Variants in SNRPN observed in about 807,000 individuals in gnomAD.
SNRPN encodes small nuclear ribonucleoprotein polypeptide N, also known as small nuclear ribonucleoprotein-associated protein N.
Under a neutral mutation model 25.2 loss-of-function variants are expected in SNRPN, and 7 were observed. The observed-to-expected ratio is 0.28, with a 90% CI of 0.16 to 0.52. The LOEUF is 0.52. Ranked by LOEUF, SNRPN falls within the 20% of genes least tolerant of loss-of-function variation. SNRPN has a pLI of 0.96. For missense variants in SNRPN, 196 were observed against 322.5 expected (o/e 0.61, Z 3.00); for synonymous variants, 124 against 110.6 (o/e 1.12, Z -0.76).
intron 2 of SNRPN, among the ~76,000 whole-genome samples, chr15:24,918,901 A>G (rs1381006778): frequency 2.8e-5 from 3 of 106,442 alleles, no homozygotes; most frequent in East Asian, 5.6e-4. Flanking sequence ...TAATATATAT[A>G]TGTGCACATA....
upstream of SNRPN, among the ~76,000 whole-genome samples, chr15:24,855,085 G>T (rs1003342971): frequency 6.6e-6 from 1 of 152,050 alleles, no homozygotes; most frequent in African/African-American, 2.4e-5. Flanking sequence ...GCCTTTCAGG[G>T]TACACTTTTT....
Position 24,905,112 on chromosome 15 carries a change from C to CA in SNRPN, c.-504-14881dup, listed in dbSNP as rs35185358. On this transcript the variant is annotated intron_variant, in intron 2 of 11. Coordinates refer to the SNRPN transcript ENST00000400097. ...TGGGTGAGAGAGCAAGACTCCGTCTCAAAAAAAAAAAAAAAAAATTAAAAA... is the reference window on the plus strand; with the variant it reads ...TGGGTGAGAGAGCAAGACTCCGTCTCAAAAAAAAAAAAAAAAAAATTAAAAA... Among the ~76,000 whole-genome samples, 330 of 125,192 alleles carry CA rather than the reference C, an allele frequency of 2.6e-3. 1 individual carries two copies. The highest frequency in any genetic ancestry group is 4.0e-3 in the Non-Finnish European group (243 of 60,542). 82.1% of individuals were successfully genotyped at this position (125,192 alleles called of 152,430 possible). A position where few individuals can be genotyped will look rare whatever the true frequency, so the allele number is the denominator to read the frequency against.
intron 1 of SNRPN, among the ~76,000 whole-genome samples, chr15:24,870,967 G>A (rs1481861475): frequency 6.6e-6 from 1 of 151,510 alleles, no homozygotes; most frequent in Non-Finnish European, 1.5e-5. Flanking sequence ...TGCAGCCTCC[G>A]CCTCCCAGGT....
At chr15:24,837,123 A>G (rs2051264501) in intron 2 of SNRPN, among the ~76,000 whole-genome samples, 1 of 152,054 alleles carries the variant, frequency 6.6e-6, no homozygotes, top group African/African-American at 2.4e-5. Flanking sequence ...AGCCACAACA[A>G]GCATGAATAG....
rs75376524 is a variant in SNRPN, at chr15:24,901,153, C to T, written c.-505+14564C>T. 5.9e-5 allele frequency among the ~76,000 whole-genome samples: 9 copies of T among 152,188 alleles called. No individual in the cohort carries two copies. The East Asian group carries it at 1.7e-3, about 29-fold the overall frequency. ...TTCTCCTGGTAGAGATCTTTCATCT[C>T]CTTGGTTAGATGTATTCCTTGGTAT... On this transcript the variant is annotated intron_variant, in intron 2 of 11. Coordinates refer to the SNRPN transcript ENST00000400097.
chr15:24,959,890 G>A (rs182851399), intron 1 of SNRPN, among the ~76,000 whole-genome samples: 6 of 152,244 alleles, frequency 3.9e-5, no homozygotes, highest in East Asian at 3.9e-4. Flanking sequence ...CTTAGCCCTC[G>A]TATATGCCAG....
chr15:24,867,461 G>T (rs12914374), intron 1 of SNRPN, among the ~76,000 whole-genome samples: 2 of 149,774 alleles, frequency 1.3e-5, no homozygotes, highest in Non-Finnish European at 3.0e-5. Flanking sequence ...TGCAAGCTCC[G>T]CCTCCCTGGT....
chr15:24,894,226 T>C (rs2057906707), intron 2 of SNRPN, among the ~76,000 whole-genome samples: 1 of 151,976 alleles, frequency 6.6e-6, no homozygotes, highest in African/African-American at 2.4e-5. Flanking sequence ...TCTTTTTTTT[T>C]TTTTTCCTTT....
At chr15:24,899,611 A>C (rs1030181961) in intron 2 of SNRPN, among the ~76,000 whole-genome samples, 2 of 152,218 alleles carry the variant, frequency 1.3e-5, no homozygotes, top group African/African-American at 4.8e-5. Context: ...CATGACAGTC[A>C]GCAGCACTAG....
rs541100618 is a variant in SNRPN at position 24,893,328 on chromosome 15, C to T, written c.-505+6739C>T. Reference sequence around the variant, plus strand: ...ATTGATCATAGAGGTCTTAAAAAATCCTTTCAGGCTGGGTGCCGTGGCTCA... The same window carrying T: ...ATTGATCATAGAGGTCTTAAAAAATTCTTTCAGGCTGGGTGCCGTGGCTCA... On this transcript the variant is annotated intron_variant, in intron 2 of 11. Transcript: ENST00000400097. 8.3e-4 allele frequency among the ~76,000 whole-genome samples: 126 copies of T among 151,418 alleles called. 1 individual carries two copies. Among genetic ancestry groups the T allele is most frequent in the Non-Finnish European group, 1.4e-3 (98 of 67,798 alleles).
chr15:24,910,991 C>T (rs942619482), intron 2 of SNRPN: 43 of 1,164,204 alleles, frequency 3.7e-5, no homozygotes, highest in Middle Eastern at 2.8e-4. Context: ...GGCTAAAGAC[C>T]GTGGTGATTT....
At chr15:24,945,071 C>G (rs907875868) in intron 3 of SNRPN, among the ~76,000 whole-genome samples, 1 of 152,092 alleles carries the variant, frequency 6.6e-6, no homozygotes, top group Non-Finnish European at 1.5e-5. Flanking sequence ...TATCTGGGTA[C>G]CATGGCCTAG....
intron 1 of SNRPN, among the ~76,000 whole-genome samples, chr15:24,876,616 CA>C (rs397943017): frequency 0.015 from 1,366 of 88,950 alleles, 3 homozygotes; most frequent in Middle Eastern, 0.026. Context: ...GACTCCATCT[CA>C]AAAAAAAAAA....
chr15:24,885,587 C>T (rs1262498870), intron 1 of SNRPN, among the ~76,000 whole-genome samples: 1 of 152,066 alleles, frequency 6.6e-6, no homozygotes, highest in Non-Finnish European at 1.5e-5. Flanking sequence ...GTTTTCCTTG[C>T]CTGAGTCTTT....
At chr15:24,884,986 T>G (rs573607042) in intron 1 of SNRPN, among the ~76,000 whole-genome samples, 7 of 152,324 alleles carry the variant, frequency 4.6e-5, no homozygotes, top group Non-Finnish European at 1.0e-4. Context: ...ATTTAAGTTT[T>G]TTTTATGTAA....
chr15:24,946,580 C>G (rs2061904162), intron 3 of SNRPN, among the ~76,000 whole-genome samples: 1 of 152,088 alleles, frequency 6.6e-6, no homozygotes. Context: ...AGCAATTTTC[C>G]TGTCCCAACT....
At chr15:24,850,211 C>G (rs2052686007) in intron 2 of SNRPN, 1 of 152,168 alleles carries the variant, frequency 6.6e-6, no homozygotes, top group African/African-American at 2.4e-5. Flanking sequence ...TCATGGCTGC[C>G]AACAGGCTAA....
intron 2 of SNRPN, among the ~76,000 whole-genome samples, chr15:24,910,606 T>G (rs1366712745): frequency 6.6e-6 from 1 of 152,230 alleles, no homozygotes; most frequent in South Asian, 2.1e-4. Flanking sequence ...GTGATTCTCC[T>G]GACTCAGCCT....
intron 2 of SNRPN, 76 bp downstream of exon 2, chr15:24,962,285 G>A (rs2074958063): frequency 8.5e-7 from 1 of 1,176,216 alleles, no homozygotes; most frequent in Non-Finnish European, 1.3e-6. Context: ...CATGCAATGA[G>A]GGGATTAAAA....
Sources: allele counts gnomAD v4.1 joint callset (sites outside exome capture counted in the v4.1 genomes callset), GRCh38; gene constraint gnomAD v4.1.1; transcripts MANE v1.5; gene names NCBI Gene and HGNC (gene_info 2026-07-23, HGNC 2026-07-21).